USP6NL: variants seen among roughly 807,000 people sequenced by gnomAD.
USP6NL encodes USP6 N-terminal like.
In USP6NL, 26 loss-of-function variants were observed where a neutral mutation model predicts 61.9. The ratio of observed to expected loss-of-function variants is 0.42; its 90% confidence interval spans 0.31 to 0.58. The LOEUF (loss-of-function observed/expected upper bound fraction) is 0.58, where lower values mean the gene tolerates loss of function less well. Ranked by LOEUF, USP6NL falls within the 20% of genes least tolerant of loss-of-function variation. USP6NL has a pLI of 0.16. For synonymous variants in USP6NL, 432 were observed against 390.1 expected (o/e 1.11, Z -1.27); for missense variants, 1,114 against 1,034.3 (o/e 1.08, Z -1.06).
rs1395229724 is a variant in USP6NL, at chr10:11,470,196, G to C, written c.1079-6347C>G. Among the ~76,000 whole-genome samples, 3 of 152,284 alleles carry C rather than the reference G, an allele frequency of 2.0e-5. No individual in the cohort carries two copies. Among genetic ancestry groups the C allele is most frequent in the African/African-American group, 7.2e-5 (3 of 41,566 alleles). ...GGAAGGCAAGTAATGGAGAGGACCA[G>C]AGAAGCAGCCAGCAGCGCAGAGGGC... On this transcript the variant is annotated intron_variant, in intron 14 of 14. Transcript: ENST00000609104. This position sits in a 1 kb window ranked among gnomAD's most constrained non-coding sequence, Gnocchi z 5.4.
intron 2 of USP6NL, among the ~76,000 whole-genome samples, chr10:11,542,415 G>T (rs1412764506): frequency 6.6e-6 from 1 of 152,172 alleles, no homozygotes; most frequent in African/African-American, 2.4e-5. Context: ...GTTTGATCCA[G>T]GTCCTAAAAT....
In USP6NL at chr10:11,528,315, AG is replaced by A. The variant is rs1481548003; in HGVS notation, c.5-749del. Among the ~76,000 whole-genome samples the A allele has an allele frequency of 6.6e-6, 1 of 151,654 alleles. No homozygotes were observed. On this transcript the variant is annotated intron_variant, in intron 2 of 14. Transcript: ENST00000609104. The surrounding 1 kb of genome is among the most constrained non-coding windows in gnomAD (Gnocchi z 4.6). ...AAGGCTTCTCTTACCAAAAAAAAAAAGCATTCTAAGAGAAAACTAGGCAAAG... is the reference window on the plus strand; with the variant it reads ...AAGGCTTCTCTTACCAAAAAAAAAAACATTCTAAGAGAAAACTAGGCAAAG...
At chr10:11,469,140 C>T (rs1272148369) in intron 14 of USP6NL, among the ~76,000 whole-genome samples, 1 of 152,182 alleles carries the variant, frequency 6.6e-6, no homozygotes, top group Non-Finnish European at 1.5e-5. Context: ...AAAATGCACA[C>T]TGGGGAAAAA....
intron 1 of USP6NL, among the ~76,000 whole-genome samples, chr10:11,606,877 A>G (rs991315476): frequency 6.9e-6 from 1 of 145,594 alleles, no homozygotes; most frequent in Non-Finnish European, 1.5e-5. Context: ...TGCAACCTCC[A>G]TCTCTCGGGT....
At chr10:11,535,129 A>G (rs1236929413) in intron 2 of USP6NL, among the ~76,000 whole-genome samples, 1 of 152,204 alleles carries the variant, frequency 6.6e-6, no homozygotes, top group African/African-American at 2.4e-5. Context: ...CAGTGCCCCT[A>G]AAGGTTAACA....
At position 11,555,103 on chromosome 10, in the gene USP6NL, T is replaced by G. The variant is rs1305742205; in HGVS notation, c.5-27536A>C. ...ACCGCGCCTGGCCTGTTTTTTTTTT[T>G]TTTTGGTTTTTTTTTTTAAGAATCC... On this transcript the variant is annotated intron_variant, in intron 2 of 14. Transcript: ENST00000609104. 5.5e-4 allele frequency among the ~76,000 whole-genome samples: 73 copies of G among 132,704 alleles called. 1 individual carries two copies. The South Asian group carries it at 0.013, about 24-fold the overall frequency. The allele number at this position is 132,704 out of a possible 152,430, so 87.1% of individuals were successfully genotyped here.
intron 2 of USP6NL, among the ~76,000 whole-genome samples, chr10:11,570,837 G>C (rs1194299995): frequency 2.6e-5 from 4 of 152,122 alleles, no homozygotes; most frequent in African/African-American, 9.7e-5. Flanking sequence ...CATTTGAAGG[G>C]AAAACGGTGA....
chr10:11,510,800 T>C lies in USP6NL; in HGVS notation c.196-1125A>G, dbSNP rs917500389. On this transcript the variant is annotated intron_variant, in intron 5 of 14. Transcript: ENST00000609104. This position sits in a 1 kb window ranked among gnomAD's most constrained non-coding sequence, Gnocchi z 4.8. ...CAATGAGGAAACAGGCACAAAGGGCTTAAGGGACTTGTCCCAAGTCACCCC... is the reference window on the plus strand; with the variant it reads ...CAATGAGGAAACAGGCACAAAGGGCCTAAGGGACTTGTCCCAAGTCACCCC... 1.3e-5 allele frequency among the ~76,000 whole-genome samples: 2 copies of C among 152,236 alleles called. No homozygotes were observed. Among genetic ancestry groups the C allele is most frequent in the Non-Finnish European group, 2.9e-5 (2 of 68,034 alleles).
At position 11,468,537 on chromosome 10, in the gene USP6NL, C is replaced by T. The variant is rs1348367450; in HGVS notation, c.1079-4688G>A. Among the ~76,000 whole-genome samples the T allele has an allele frequency of 2.6e-5, 4 of 152,124 alleles. No homozygotes were observed. Among genetic ancestry groups the T allele is most frequent in the Non-Finnish European group, 4.4e-5 (3 of 68,028 alleles). On this transcript the variant is annotated intron_variant, in intron 14 of 14. Coordinates refer to ENST00000609104, the MANE Select transcript of USP6NL (RefSeq NM_014688.5). This position sits in a 1 kb window ranked among gnomAD's most constrained non-coding sequence, Gnocchi z 4.5. ...CAAATACACAGAGGCCCTTGGCTGG[C>T]GTTAGTTACAAGGACAGGGTAGGGA...
In USP6NL at chr10:11,600,569, A is replaced by T. The variant is rs1189646846; in HGVS notation, c.-83-2852T>A. On this transcript the variant is annotated intron_variant, in intron 1 of 14. Transcript: ENST00000609104. This position sits in a 1 kb window ranked among gnomAD's most constrained non-coding sequence, Gnocchi z 4.1. ...AGTAAAGATAGTAATTTTAAATTCA[A>T]ATTTAAAAATTTTCTAGTTAAAAAG... Among the ~76,000 whole-genome samples, 1 of 152,260 alleles carries T rather than the reference A, an allele frequency of 6.6e-6. No homozygotes were observed. The highest frequency in any genetic ancestry group is 1.9e-4 in the East Asian group (1 of 5,202).
Position 11,462,928 on chromosome 10 carries a change from G to C in USP6NL, c.2000C>G (p.Ser667Cys), listed in dbSNP as rs1356238780. ...AAGAGTAGAACCATGAGGTCTCCTGGAAGGATTCAGTTGAGTCCCAGGGCT... is the reference window on the plus strand; with the variant it reads ...AAGAGTAGAACCATGAGGTCTCCTGCAAGGATTCAGTTGAGTCCCAGGGCT... ...QFSPGTQLNP[S>C]RRPHGSTLSV... Residue 667 changes from serine (S) to cysteine (C), a missense_variant, in exon 15 of 15, where the codon TCC (serine) becomes TGC (cysteine). Coordinates refer to ENST00000609104, the MANE Select transcript of USP6NL (RefSeq NM_014688.5). The C allele has an allele frequency of 6.2e-7, 1 of 1,613,572 alleles. No individual in the cohort carries two copies. Among genetic ancestry groups the C allele is most frequent in the Non-Finnish European group, 8.5e-7 (1 of 1,179,660 alleles).
rs1291066130 is a variant in USP6NL, at chr10:11,595,957, T to C, written c.4+1674A>G. On this transcript the variant is annotated intron_variant, in intron 2 of 14. Coordinates refer to ENST00000609104, the MANE Select transcript of USP6NL (RefSeq NM_014688.5). This position sits in a 1 kb window ranked among gnomAD's most constrained non-coding sequence, Gnocchi z 5.3. ...TACAATTTAAAGGTGAAAAATGTTA[T>C]GTGGTTCAAACACTATTAGTTGCTT... Among the ~76,000 whole-genome samples the C allele has an allele frequency of 2.0e-5, 3 of 152,246 alleles. No homozygotes were observed. The highest frequency in any genetic ancestry group is 4.4e-5 in the Non-Finnish European group (3 of 68,048).
chr10:11,547,401 G>A (rs993369387), intron 2 of USP6NL, among the ~76,000 whole-genome samples: 3 of 152,178 alleles, frequency 2.0e-5, no homozygotes, highest in Non-Finnish European at 4.4e-5. Flanking sequence ...GGCAGAGCGG[G>A]ATGTGAACAC....
chr10:11,587,961 A>G lies in USP6NL; in HGVS notation c.4+9670T>C, dbSNP rs1447085705. Among the ~76,000 whole-genome samples the G allele has an allele frequency of 6.6e-6, 1 of 152,230 alleles. No individual in the cohort carries two copies. Among genetic ancestry groups the G allele is most frequent in the South Asian group, 2.1e-4 (1 of 4,834 alleles). ...AAGTAGAAATGGGGAATTTTCTACT[A>G]AACAGCTAAACGTGAAGGAAATCTA... On this transcript the variant is annotated intron_variant, in intron 2 of 14. Coordinates refer to ENST00000609104, the MANE Select transcript of USP6NL (RefSeq NM_014688.5). This position sits in a 1 kb window ranked among gnomAD's most constrained non-coding sequence, Gnocchi z 4.5.
At chr10:11,576,869 A>T (rs1837565109) in intron 2 of USP6NL, among the ~76,000 whole-genome samples, 1 of 152,132 alleles carries the variant, frequency 6.6e-6, no homozygotes, top group African/African-American at 2.4e-5. Flanking sequence ...ATAAAATTTA[A>T]AATCACCTAA....
intron 2 of USP6NL, among the ~76,000 whole-genome samples, chr10:11,566,272 G>T (rs1334689257): frequency 6.6e-6 from 1 of 152,192 alleles, no homozygotes; most frequent in Admixed American, 6.5e-5. Flanking sequence ...CATTCAGCAG[G>T]TTGGCATATA....
intron 2 of USP6NL, 82 bp from the exon 3 acceptor site, chr10:11,527,649 A>C: frequency 2.4e-6 from 3 of 1,271,798 alleles, no homozygotes; most frequent in Non-Finnish European, 3.3e-6. Flanking sequence ...AGACATAATA[A>C]AACAAAAAAT....
In USP6NL at chr10:11,525,172, C is replaced by T. The variant is rs1305684601; in HGVS notation, c.155+214G>A. 6.6e-6 allele frequency among the ~76,000 whole-genome samples: 1 copy of T among 152,006 alleles called. No individual in the cohort carries two copies. The highest frequency in any genetic ancestry group is 6.5e-5 in the Admixed American group (1 of 15,272). On this transcript the variant is annotated intron_variant, in intron 4 of 14. Coordinates refer to ENST00000609104, the MANE Select transcript of USP6NL (RefSeq NM_014688.5). The surrounding 1 kb of genome is among the most constrained non-coding windows in gnomAD (Gnocchi z 5.0). ...TCACCTACTGCACTTAATGTTCTTA[C>T]TAAATTGCAAAAAATATTAAAAATT... is the stretch of plus-strand genomic sequence containing the variant.
chr10:11,590,782 G>C (rs1838137327), intron 2 of USP6NL, among the ~76,000 whole-genome samples: 1 of 152,008 alleles, frequency 6.6e-6, no homozygotes, highest in Admixed American at 6.6e-5. Flanking sequence ...CTGGCTGCCA[G>C]GAGAACAAGC....
Sources: allele counts gnomAD v4.1 joint callset (sites outside exome capture counted in the v4.1 genomes callset), GRCh38; gene constraint gnomAD v4.1.1; non-coding constraint Gnocchi (gnomAD v3.1); transcripts MANE v1.5; gene names NCBI Gene and HGNC (gene_info 2026-07-23, HGNC 2026-07-21).